Variants in FHIT observed in about 807,000 individuals in gnomAD.
The protein encoded by FHIT is fragile histidine triad diadenosine triphosphatase.
Under a neutral mutation model 17.9 loss-of-function variants are expected in FHIT, and 19 were observed. The ratio of observed to expected loss-of-function variants is 1.06; its 90% CI spans 0.74 to 1.56. The LOEUF (loss-of-function observed/expected upper bound fraction) is 1.56. FHIT is among the 40% of genes most tolerant of loss of function. The probability of loss-of-function intolerance (pLI) is 0.00; values close to 1 mark genes in which losing one functional copy is unlikely to be tolerated. For synonymous variants in FHIT, 81 were observed against 69.7 expected, an observed-to-expected ratio of 1.16 and a Z score of -0.81; for missense variants, 248 against 189.2, an observed-to-expected ratio of 1.31 and a Z score of -1.82.
chr3:60,445,955 T>C (rs971310283), intron 5 of FHIT, among the ~76,000 whole-genome samples: 1 of 152,136 alleles, frequency 6.6e-6, no homozygotes, highest in Non-Finnish European at 1.5e-5. Context: ...CTATCTTTTG[T>C]GTGCAAATCC....
At chr3:60,759,382 AG>A (rs1298826511) in intron 4 of FHIT, among the ~76,000 whole-genome samples, 1 of 152,226 alleles carries the variant, frequency 6.6e-6, no homozygotes, top group Non-Finnish European at 1.5e-5. Context: ...GAACATGAGT[AG>A]GCATGGGATG....
intron 1 of FHIT, among the ~76,000 whole-genome samples, chr3:61,218,295 T>C (rs747457193): frequency 2.0e-5 from 3 of 151,886 alleles, no homozygotes; most frequent in Non-Finnish European, 4.4e-5. Flanking sequence ...TAAAACTAAA[T>C]CCTCAAGATT....
intron 5 of FHIT, among the ~76,000 whole-genome samples, chr3:60,028,678 T>A (rs77586239): frequency 0.031 from 4,791 of 152,180 alleles, 264 homozygotes; most frequent in African/African-American, 0.11. Context: ...TTGAATCAAA[T>A]GTAAATAAAA....
chr3:60,040,873 G>A (rs1701409700), intron 5 of FHIT, among the ~76,000 whole-genome samples: 1 of 152,136 alleles, frequency 6.6e-6, no homozygotes, highest in East Asian at 1.9e-4. Context: ...AACATGGGGT[G>A]GCTGATCTAT....
At chr3:60,312,980 A>G (rs962153260) in intron 5 of FHIT, among the ~76,000 whole-genome samples, 2 of 152,174 alleles carry the variant, frequency 1.3e-5, no homozygotes, top group Middle Eastern at 3.2e-3. Flanking sequence ...TGCATCCATA[A>G]CCCAGTTGAT....
At chr3:59,933,188 G>C (rs1432271960) in intron 7 of FHIT, among the ~76,000 whole-genome samples, 1 of 152,074 alleles carries the variant, frequency 6.6e-6, no homozygotes, top group African/African-American at 2.4e-5. Flanking sequence ...AGAGAAATGT[G>C]GGTTCTTTCA....
intron 5 of FHIT, among the ~76,000 whole-genome samples, chr3:60,076,483 G>A (rs1436552415): frequency 6.6e-6 from 1 of 151,928 alleles, no homozygotes; most frequent in South Asian, 2.1e-4. Flanking sequence ...GCCACACTGT[G>A]GGGTAATATG....
At position 60,269,428 on chromosome 3, in the gene FHIT, T is replaced by C. The variant is rs1706754637; in HGVS notation, c.104-255276A>G. On this transcript the variant is annotated intron_variant, in intron 5 of 9. Transcript: ENST00000492590. ...CTGGATCACCTGCTGGCTGTTCTTT[T>C]GAGAAATCTTGGTATTTTCCAGTGA... Among the ~76,000 whole-genome samples, 5 of 152,330 alleles carry C rather than the reference T, an allele frequency of 3.3e-5. No individual in the cohort carries two copies. In the South Asian group the frequency reaches 1.0e-3, roughly 32 times the overall value.
At chr3:59,788,415 C>G (rs1559606281) in intron 8 of FHIT, among the ~76,000 whole-genome samples, 1 of 152,146 alleles carries the variant, frequency 6.6e-6, no homozygotes, top group Non-Finnish European at 1.5e-5. Flanking sequence ...GGCTCCAGCC[C>G]CAAGGCCTTT....
intron 3 of FHIT, among the ~76,000 whole-genome samples, chr3:60,885,036 A>G (rs1158598716): frequency 1.3e-5 from 2 of 152,106 alleles, no homozygotes; most frequent in East Asian, 3.9e-4. Flanking sequence ...GGGTGCTACT[A>G]GAGCCTGGAA....
intron 5 of FHIT, among the ~76,000 whole-genome samples, chr3:60,263,662 A>C (rs1012526052): frequency 1.3e-5 from 2 of 151,974 alleles, no homozygotes; most frequent in African/African-American, 4.8e-5. Context: ...GCCTGAGGCC[A>C]GGGGTGGTAG....
chr3:61,125,200 T>G (rs1339726363), intron 2 of FHIT, among the ~76,000 whole-genome samples: 1 of 152,210 alleles, frequency 6.6e-6, no homozygotes. Flanking sequence ...TTATTTCAAC[T>G]GGCACTTTTT....
intron 5 of FHIT, among the ~76,000 whole-genome samples, chr3:60,474,446 A>T (rs1428571862): frequency 6.6e-6 from 1 of 152,172 alleles, no homozygotes; most frequent in Non-Finnish European, 1.5e-5. Flanking sequence ...GTTCAATTTT[A>T]TAGAGCTAAA....
intron 2 of FHIT, among the ~76,000 whole-genome samples, chr3:61,090,290 T>C (rs2035439566): frequency 6.6e-6 from 1 of 152,204 alleles, no homozygotes; most frequent in South Asian, 2.1e-4. Context: ...TAAGACATTT[T>C]CAAAATTCCA....
intron 2 of FHIT, among the ~76,000 whole-genome samples, chr3:61,056,227 G>A (rs1323272141): frequency 6.6e-6 from 1 of 152,172 alleles, no homozygotes; most frequent in African/African-American, 2.4e-5. Context: ...TTTCAGACCT[G>A]CCTGGGCAAT....
At chr3:59,827,802 A>T (rs1351651902) in intron 8 of FHIT, among the ~76,000 whole-genome samples, 1 of 152,252 alleles carries the variant, frequency 6.6e-6, no homozygotes, top group Non-Finnish European at 1.5e-5. Flanking sequence ...CACAAACACA[A>T]GAAGATCTAC....
chr3:61,080,583 A>G (rs1299057157), intron 2 of FHIT, among the ~76,000 whole-genome samples: 1 of 152,230 alleles, frequency 6.6e-6, no homozygotes, highest in East Asian at 1.9e-4. Flanking sequence ...ATTATAGTGC[A>G]CTAATGAGTA....
At chr3:60,023,019 G>T (rs888431820) in intron 5 of FHIT, among the ~76,000 whole-genome samples, 10 of 152,166 alleles carry the variant, frequency 6.6e-5, no homozygotes, top group Admixed American at 3.3e-4. Context: ...GAAAGAGTCT[G>T]TCCACAATGT....
intron 1 of FHIT, among the ~76,000 whole-genome samples, chr3:61,214,281 G>A (rs2039594136): frequency 6.6e-6 from 1 of 152,156 alleles, no homozygotes; most frequent in Non-Finnish European, 1.5e-5. Context: ...AAGAAGAAAA[G>A]AGAGAAGAAT....
Sources: allele counts gnomAD v4.1 joint callset (sites outside exome capture counted in the v4.1 genomes callset), GRCh38; gene constraint gnomAD v4.1.1; transcripts MANE v1.5; gene names NCBI Gene and HGNC (gene_info 2026-07-23, HGNC 2026-07-21).